Variants in USP35 observed in about 807,000 individuals in gnomAD.
The protein encoded by USP35 is ubiquitin specific peptidase 35.
A neutral mutation model predicts 83.8 loss-of-function variants in USP35; 69 were observed. That is an observed-to-expected ratio of 0.82 (90% CI 0.68 to 1.01). The LOEUF (loss-of-function observed/expected upper bound fraction) is 1.01, where lower values mean the gene tolerates loss of function less well. USP35 is among the 50% of genes least tolerant of loss of function. The probability of loss-of-function intolerance (pLI) is 0.00; values close to 1 mark genes in which losing one functional copy is unlikely to be tolerated. For missense variants in USP35, 1,503 were observed against 1,362.5 expected (o/e 1.10, Z -1.62); for synonymous variants, 714 against 589.5 (o/e 1.21, Z -3.06).
chr11:78,195,181 G>A (rs1367899136), intron 1 of USP35, among the ~76,000 whole-genome samples: 2 of 152,192 alleles, frequency 1.3e-5, no homozygotes, highest in African/African-American at 2.4e-5. Context: ...AGCACTAACT[G>A]ATTCCAGCTG....
At position 78,210,257 on chromosome 11, in the gene USP35, CG is replaced by C. The variant is rs746303499; in HGVS notation, c.2403del (p.Cys802AlafsTer149). 6.2e-7 allele frequency: 1 copy of C among 1,614,156 alleles called. No individual in the cohort carries two copies. The highest frequency in any genetic ancestry group is 1.7e-5 in the Admixed American group (1 of 60,030). On this transcript the variant is annotated frameshift_variant, in exon 10 of 11. Transcript: ENST00000529308. LOFTEE classifies it high-confidence loss of function. ...AAGGTGGTGGAGCTGAGCCAAGGGC[CG>C]TGCTACCTCATCCTCACACTGCTGC... ...AEKVVELSQGPCYLILTLLRF... is the reference protein window; with the variant it reads ...AEKVVELSQGXCYLILTLLRF...
downstream of USP35, chr11:78,217,263 T>TA (rs1268398469): frequency 1.3e-5 from 2 of 152,320 alleles, no homozygotes; most frequent in Non-Finnish European, 2.9e-5. Context: ...TGATTGTGGC[T>TA]ATCTTAAGTT....
the USP35 span, among the ~76,000 whole-genome samples, chr11:78,224,820 C>T: frequency 3.9e-5 from 6 of 152,070 alleles, no homozygotes; most frequent in Non-Finnish European, 8.8e-5. Context: ...AGAGGTTCCC[C>T]CACCGTGCAG....
chr11:78,212,693 C>G lies in USP35; in HGVS notation c.2890-953C>G, dbSNP rs139254531. On this transcript the variant is annotated intron_variant, in intron 10 of 10. Transcript: ENST00000529308. ...TTGTTCATGATTTGGCTCCCTGCTTCTTGTTGGTGTATAGGAATGCTAGCA... is the reference window on the plus strand; with the variant it reads ...TTGTTCATGATTTGGCTCCCTGCTTGTTGTTGGTGTATAGGAATGCTAGCA... Among the ~76,000 whole-genome samples, 301 of 152,212 alleles carry G rather than the reference C, an allele frequency of 2.0e-3. 1 individual carries two copies. The highest frequency in any genetic ancestry group is 7.0e-3 in the African/African-American group (292 of 41,542).
At chr11:78,216,289 CT>C (rs1864143538), downstream of USP35, 1 of 152,208 alleles carries the variant, frequency 6.6e-6, no homozygotes, top group East Asian at 1.9e-4. Flanking sequence ...GGCAGGGGGC[CT>C]GTGTGAAGCA....
At chr11:78,227,207 A>G in the USP35 span, among the ~76,000 whole-genome samples, 1 of 152,196 alleles carries the variant, frequency 6.6e-6, no homozygotes. Context: ...CTAGTATATG[A>G]ATGTTTAAAC....
the USP35 span, among the ~76,000 whole-genome samples, chr11:78,230,213 G>C: frequency 6.6e-6 from 1 of 152,210 alleles, no homozygotes; most frequent in Non-Finnish European, 1.5e-5. Flanking sequence ...CAAACCTTCT[G>C]ATCAGCAGAT....
At chr11:78,235,191 C>T in the USP35 span, among the ~76,000 whole-genome samples, 3 of 151,900 alleles carry the variant, frequency 2.0e-5, no homozygotes, top group African/African-American at 4.8e-5. Context: ...CTCACTCTGT[C>T]GCCCAGGCTG....
At chr11:78,215,902 G>A (rs1218879282), downstream of USP35, 1 of 152,700 alleles carries the variant, frequency 6.5e-6, no homozygotes, top group East Asian at 1.9e-4. Flanking sequence ...CATGGGAGAA[G>A]GGGCCAGAGG....
chr11:78,224,769 C>G, the USP35 span, among the ~76,000 whole-genome samples: 1 of 152,092 alleles, frequency 6.6e-6, no homozygotes, highest in African/African-American at 2.4e-5. Flanking sequence ...ACTGCAGCCT[C>G]CCTCCTGCAT....
chr11:78,213,740 A>T lies in USP35; in HGVS notation c.2984A>T (p.Glu995Val), dbSNP rs773746510. 9 of 1,539,992 alleles carry T rather than the reference A, an allele frequency of 5.8e-6. No individual in the cohort carries two copies. The highest frequency in any genetic ancestry group is 7.8e-6 in the Non-Finnish European group (9 of 1,153,020). Residue 995 changes from glutamate to valine, a missense_variant, in exon 11 of 11, where the codon GAG becomes GTG. By Grantham distance (121) the Glu-to-Val change is moderately radical. Transcript: ENST00000529308. ...AGGGGCTTTGATGAAGACAAGGATG[A>T]GGATGAAGGCTCTCCAGGGGGCTGC... ...WGRGFDEDKD[E>V]DEGSPGGCNP...
chr11:78,193,944 C>T (rs1863071336), intron 1 of USP35, among the ~76,000 whole-genome samples: 1 of 152,240 alleles, frequency 6.6e-6, no homozygotes, highest in Non-Finnish European at 1.5e-5. Flanking sequence ...CCACCCTTGG[C>T]TGGTGTTGAA....
the USP35 span, chr11:78,223,672 C>G: frequency 2.4e-5 from 38 of 1,597,628 alleles, no homozygotes; most frequent in Non-Finnish European, 3.1e-5. Context: ...AATCATTTTC[C>G]CTGGCTAGGG....
chr11:78,222,625 C>T, the USP35 span, among the ~76,000 whole-genome samples: 1 of 151,816 alleles, frequency 6.6e-6, no homozygotes, highest in African/African-American at 2.4e-5. Flanking sequence ...CTCTGTTGCT[C>T]AGGCTGGAGT....
chr11:78,216,898 G>A (rs55656631), downstream of USP35: 1 of 152,292 alleles, frequency 6.6e-6, no homozygotes, highest in African/African-American at 2.4e-5. Context: ...GCCCAGTGTA[G>A]CTACCACCAC....
chr11:78,230,847 A>G, the USP35 span, among the ~76,000 whole-genome samples: 1 of 152,248 alleles, frequency 6.6e-6, no homozygotes. Context: ...TAGATGGGGA[A>G]TTCCAAATAC....
intron 10 of USP35, among the ~76,000 whole-genome samples, chr11:78,211,253 T>C (rs1394047970): frequency 1.3e-5 from 2 of 152,196 alleles, no homozygotes; most frequent in African/African-American, 4.8e-5. Flanking sequence ...GGCTTCCAGC[T>C]CCGTCCATGT....
rs757836341 is a variant in USP35, at chr11:78,210,580, G to A, written c.2725G>A (p.Val909Ile). The A allele has an allele frequency of 4.8e-5, 77 of 1,613,872 alleles. No homozygotes were observed. In the South Asian group the frequency reaches 5.3e-4, roughly 11 times the overall value. The change falls in exon 10 of 11, where the codon GTC (valine) becomes ATC (isoleucine). Residue 909 changes from valine (V) to isoleucine (I), a missense_variant. Physicochemically the swap from Val to Ile is conservative, Grantham distance 29 (BLOSUM62 3). Coordinates refer to ENST00000529308, the MANE Select transcript of USP35 (RefSeq NM_020798.4). ...SFSSFESVSNVTSFFPKDTAY... is the reference protein window; with the variant it reads ...SFSSFESVSNITSFFPKDTAY... ...CTCTTCCTTCGAATCTGTCAGCAAC[G>A]TCACCTCCTTCTTCCCTAAGGACAC...
downstream of USP35, among the ~76,000 whole-genome samples, chr11:78,220,161 G>A (rs1864349895): frequency 6.6e-6 from 1 of 152,214 alleles, no homozygotes; most frequent in African/African-American, 2.4e-5. Flanking sequence ...AGACCTAGAT[G>A]AAAGCTCTAT....
Sources: gnomAD v4.1 joint callset for allele counts (sites outside exome capture counted in the v4.1 genomes callset) on GRCh38, gnomAD v4.1.1 for gene constraint, MANE v1.5 for transcripts, NCBI Gene and HGNC (gene_info 2026-07-23, HGNC 2026-07-21) for gene names.